MED27: variants seen among roughly 807,000 people sequenced by gnomAD.
The protein encoded by MED27 is mediator of RNA polymerase II transcription subunit 27.
MED27 carries 30 observed loss-of-function variants against 38.2 expected under a neutral mutation model. That is an observed-to-expected ratio of 0.79 (90% confidence interval 0.59 to 1.07). MED27 has a LOEUF of 1.07. Among genes scored for constraint, MED27 ranks in the 50% least tolerant of loss-of-function variants. The pLI, the probability that MED27 is intolerant of heterozygous loss-of-function variation, is 0.00. For synonymous variants in MED27, 122 were observed against 153.5 expected, an observed-to-expected ratio of 0.79 and a Z score of 1.52; for missense variants, 289 against 397.5, an observed-to-expected ratio of 0.73 and a Z score of 2.32.
chr9:131,929,803 A>G (rs1830548449), intron 4 of MED27, among the ~76,000 whole-genome samples: 1 of 152,180 alleles, frequency 6.6e-6, no homozygotes, highest in South Asian at 2.1e-4. Flanking sequence ...CCCACCTGGG[A>G]CCTAGGGGAA....
intron 2 of MED27, among the ~76,000 whole-genome samples, chr9:132,033,285 T>A (rs1390456155): frequency 6.6e-6 from 1 of 152,182 alleles, no homozygotes; most frequent in Admixed American, 6.5e-5. Context: ...CGAAGCTTCC[T>A]GGGACATTGT....
chr9:132,032,618 A>G (rs1211861042), intron 2 of MED27, among the ~76,000 whole-genome samples: 2 of 152,230 alleles, frequency 1.3e-5, no homozygotes, highest in Non-Finnish European at 2.9e-5. Context: ...ATTGTAACAG[A>G]ATGTGTTCGT....
At chr9:131,878,817 G>T (rs755577924) in intron 6 of MED27, among the ~76,000 whole-genome samples, 28 of 152,010 alleles carry the variant, frequency 1.8e-4, no homozygotes, top group Non-Finnish European at 3.2e-4. Flanking sequence ...CCTTTCAGAT[G>T]GTCACCCGCC....
intron 6 of MED27, among the ~76,000 whole-genome samples, chr9:131,877,336 C>T (rs1034398795): frequency 6.6e-6 from 1 of 152,116 alleles, no homozygotes; most frequent in African/African-American, 2.4e-5. Context: ...GAGGCTGAGA[C>T]AGGTGGATCA....
Position 132,079,792 on chromosome 9 carries a change from A to C in MED27, c.53T>G (p.Ile18Ser), listed in dbSNP as rs1834134913. ...GGAGCGCAGCGCCTGGATGGCACTA[A>C]TGGCCTGGGAAAAGGCCTCCAGGTT... ...SVNLEAFSQA[I>S]SAIQALRSSV... Residue 18 changes from isoleucine (I) to serine (S), a missense_variant, in exon 1 of 8, where the codon ATT becomes AGT. Coordinates refer to ENST00000292035, the MANE Select transcript of MED27 (RefSeq NM_004269.4). The C allele has an allele frequency of 3.7e-6, 6 of 1,613,896 alleles. No individual in the cohort carries two copies. In the East Asian group the frequency reaches 1.3e-4, roughly 36 times the overall value.
At chr9:131,893,859 A>T (rs761172542) in intron 5 of MED27, 26 bp downstream of exon 5, 1 of 1,549,904 alleles carries the variant, frequency 6.5e-7, no homozygotes, top group East Asian at 2.2e-5. Flanking sequence ...AAAACCAAGG[A>T]ACACACAAGA....
At chr9:131,973,058 G>T (rs1403560791) in intron 3 of MED27, among the ~76,000 whole-genome samples, 1 of 152,208 alleles carries the variant, frequency 6.6e-6, no homozygotes, top group Non-Finnish European at 1.5e-5. Flanking sequence ...CTCAGAGCAG[G>T]AAGATAACTG....
intron 3 of MED27, among the ~76,000 whole-genome samples, chr9:131,965,903 T>A (rs555592737): frequency 6.6e-6 from 1 of 151,842 alleles, no homozygotes; most frequent in African/African-American, 2.4e-5. Flanking sequence ...AAATTAACAC[T>A]TTTTCAGAGT....
chr9:131,887,608 G>A (rs1004661002), intron 5 of MED27, among the ~76,000 whole-genome samples: 1 of 152,164 alleles, frequency 6.6e-6, no homozygotes, highest in African/African-American at 2.4e-5. Flanking sequence ...TGATCCAAGT[G>A]AATATTTATT....
chr9:131,895,960 G>A (rs1309560008), intron 4 of MED27, among the ~76,000 whole-genome samples: 2 of 151,846 alleles, frequency 1.3e-5, no homozygotes, highest in Non-Finnish European at 2.9e-5. Context: ...GTGCAGTGGT[G>A]TGATCTCGGC....
intron 4 of MED27, among the ~76,000 whole-genome samples, chr9:131,902,262 T>C (rs1829962472): frequency 6.6e-6 from 1 of 152,182 alleles, no homozygotes; most frequent in South Asian, 2.1e-4. Flanking sequence ...GCTAGGTATG[T>C]GTAGCCCTGA....
At chr9:131,945,589 C>T (rs937044708) in intron 3 of MED27, among the ~76,000 whole-genome samples, 15 of 151,988 alleles carry the variant, frequency 9.9e-5, no homozygotes, top group African/African-American at 3.6e-4. Context: ...TATCTCTCCC[C>T]AACCCCCATG....
chr9:131,869,743 G>C (rs1282782558), intron 6 of MED27, among the ~76,000 whole-genome samples: 1 of 152,202 alleles, frequency 6.6e-6, no homozygotes, highest in Non-Finnish European at 1.5e-5. Context: ...GGCAGAGGGT[G>C]ATGCAGGGAG....
At chr9:131,923,338 T>C (rs1830430246) in intron 4 of MED27, among the ~76,000 whole-genome samples, 1 of 152,204 alleles carries the variant, frequency 6.6e-6, no homozygotes, top group East Asian at 1.9e-4. Context: ...TATTTCCGTA[T>C]TTGCTCAAAC....
chr9:132,069,967 G>A (rs984391107), intron 2 of MED27, among the ~76,000 whole-genome samples: 3 of 152,158 alleles, frequency 2.0e-5, no homozygotes, highest in Non-Finnish European at 4.4e-5. Flanking sequence ...GACAGTCGCC[G>A]CAAGCACGCC....
chr9:132,013,418 G>A (rs906832849), intron 3 of MED27, among the ~76,000 whole-genome samples: 2 of 152,166 alleles, frequency 1.3e-5, no homozygotes, highest in African/African-American at 4.8e-5. Context: ...GGGAAGGAGG[G>A]CAGCACAGGT....
At chr9:132,036,207 G>T (rs1000968702) in intron 2 of MED27, among the ~76,000 whole-genome samples, 2 of 151,814 alleles carry the variant, frequency 1.3e-5, no homozygotes, top group Non-Finnish European at 2.9e-5. Flanking sequence ...TTACTGTTTT[G>T]TTTTTTTGTT....
chr9:131,996,459 G>A (rs530918121), intron 3 of MED27, among the ~76,000 whole-genome samples: 3 of 152,306 alleles, frequency 2.0e-5, no homozygotes, highest in Middle Eastern at 3.4e-3. Flanking sequence ...TAACTGCAGA[G>A]GTGGAGGCTA....
intron 3 of MED27, among the ~76,000 whole-genome samples, chr9:131,950,652 GTCA>G (rs1222789102): frequency 6.6e-6 from 1 of 152,176 alleles, no homozygotes; most frequent in Admixed American, 6.5e-5. Flanking sequence ...CACACTCAGA[GTCA>G]GAAACAGTCA....
Sources: allele counts gnomAD v4.1 joint callset (sites outside exome capture counted in the v4.1 genomes callset), GRCh38; gene constraint gnomAD v4.1.1; transcripts MANE v1.5; gene names NCBI Gene and HGNC (gene_info 2026-07-23, HGNC 2026-07-21).